PPARG: variants seen among roughly 807,000 people sequenced by gnomAD.
The protein encoded by PPARG is peroxisome proliferator activated receptor gamma.
A neutral mutation model predicts 39.2 loss-of-function variants in PPARG; 17 were observed. The observed-to-expected ratio is 0.43, with a 90% CI of 0.30 to 0.65. PPARG has a LOEUF of 0.65. Among genes scored for constraint, PPARG ranks in the 30% least tolerant of loss-of-function variants. PPARG has a pLI of 0.13. For missense variants in PPARG, 406 were observed against 585.9 expected, an observed-to-expected ratio of 0.69 and a Z score of 3.17; for synonymous variants, 223 against 215.7, an observed-to-expected ratio of 1.03 and a Z score of -0.30.
intron 5 of PPARG, among the ~76,000 whole-genome samples, chr3:12,401,732 A>G (rs1358843747): frequency 6.6e-6 from 1 of 152,020 alleles, no homozygotes; most frequent in Admixed American, 6.6e-5. Flanking sequence ...CATTCCTTTT[A>G]TGAACTTCTG....
At chr3:12,295,664 C>G (rs4362702) in intron 1 of PPARG, among the ~76,000 whole-genome samples, 43,673 of 151,652 alleles carry the variant, frequency 0.29, 6,500 homozygotes, top group East Asian at 0.49. Context: ...CAGGCGCCCA[C>G]CACCACACCT....
intron 1 of PPARG, among the ~76,000 whole-genome samples, chr3:12,298,478 G>C (rs952705079): frequency 6.6e-6 from 1 of 151,780 alleles, no homozygotes; most frequent in South Asian, 2.1e-4. Flanking sequence ...CATTGTCCTA[G>C]AAATCCCAAA....
chr3:12,389,922 A>G (rs1290137526), intron 4 of PPARG, among the ~76,000 whole-genome samples: 1 of 152,190 alleles, frequency 6.6e-6, no homozygotes, highest in Non-Finnish European at 1.5e-5. Context: ...CAAAACAAAA[A>G]GAGTGAAATG....
At chr3:12,425,817 G>C (rs1460741767) in intron 7 of PPARG, among the ~76,000 whole-genome samples, 1 of 152,210 alleles carries the variant, frequency 6.6e-6, no homozygotes, top group African/African-American at 2.4e-5. Context: ...ACGACAGGGG[G>C]CCTCTAACCC....
In PPARG at chr3:12,323,218, A is replaced by C. The variant is rs1398818084; in HGVS notation, c.-9+10765A>C. ...ATAAATAGAGAAATGGAGGTATTAAAAGAAATTGGGAAGAGAGACTCTGTT... is the reference window on the plus strand; with the variant it reads ...ATAAATAGAGAAATGGAGGTATTAACAGAAATTGGGAAGAGAGACTCTGTT... On this transcript the variant is annotated intron_variant, in intron 2 of 7. Coordinates refer to ENST00000651735, the MANE Select transcript of PPARG (RefSeq NM_138711.6). Among the ~76,000 whole-genome samples the C allele has an allele frequency of 5.3e-5, 8 of 152,240 alleles. 1 individual carries two copies. The highest frequency in any genetic ancestry group is 1.9e-4 in the African/African-American group (8 of 41,470).
chr3:12,419,073 T>C (rs2051172802), intron 7 of PPARG, among the ~76,000 whole-genome samples: 1 of 152,068 alleles, frequency 6.6e-6, no homozygotes, highest in Non-Finnish European at 1.5e-5. Flanking sequence ...GCCTCCCGAG[T>C]AGCTGGGATT....
chr3:12,296,941 T>A (rs1459763046), intron 1 of PPARG, among the ~76,000 whole-genome samples: 1 of 152,174 alleles, frequency 6.6e-6, no homozygotes, highest in African/African-American at 2.4e-5. Context: ...ATTTTAAAAT[T>A]CTATAATTTC....
Position 12,298,858 on chromosome 3 carries a change from C to A in PPARG, c.-83+9724C>A, listed in dbSNP as rs572456569. Reference sequence around the variant, plus strand: ...TATTTTATTTATTTATTTATTGAGACAGGGTCTCACTCTGTCACCCAGGCT... The same window carrying A: ...TATTTTATTTATTTATTTATTGAGAAAGGGTCTCACTCTGTCACCCAGGCT... On this transcript the variant is annotated intron_variant, in intron 1 of 7. Coordinates refer to ENST00000651735, the MANE Select transcript of PPARG (RefSeq NM_138711.6). Among the ~76,000 whole-genome samples the A allele has an allele frequency of 4.6e-5, 7 of 152,208 alleles. No homozygotes were observed. In the South Asian group the frequency reaches 1.5e-3, roughly 32 times the overall value.
chr3:12,288,756 G>GGTGCCTCC (rs1367359866), upstream of PPARG: 2 of 152,244 alleles, frequency 1.3e-5, no homozygotes, highest in African/African-American at 4.8e-5. Flanking sequence ...ACGGGGACTG[G>GGTGCCTCC]GTGCCTCCGT....
intron 2 of PPARG, among the ~76,000 whole-genome samples, chr3:12,339,886 G>A (rs758254660): frequency 4.1e-4 from 62 of 152,128 alleles, no homozygotes; most frequent in Non-Finnish European, 6.6e-4. Context: ...GTGGCATATT[G>A]CTTGTCTGAC....
At chr3:12,332,021 T>C (rs191759025) in intron 2 of PPARG, among the ~76,000 whole-genome samples, 40 of 152,346 alleles carry the variant, frequency 2.6e-4, no homozygotes, top group African/African-American at 9.4e-4. Context: ...CCATAGTGCT[T>C]GAAACTATAT....
chr3:12,325,377 C>T (rs552377594), intron 2 of PPARG, among the ~76,000 whole-genome samples: 12 of 152,214 alleles, frequency 7.9e-5, no homozygotes, highest in African/African-American at 2.2e-4. Context: ...GCCAAGATCA[C>T]GCCGTTGCAC....
At chr3:12,412,447 A>AGG (rs1491318812) in intron 6 of PPARG, among the ~76,000 whole-genome samples, 1 of 152,240 alleles carries the variant, frequency 6.6e-6, no homozygotes, top group Non-Finnish European at 1.5e-5. Context: ...GAAAATCAAA[A>AGG]TATGTCAAAA....
chr3:12,355,429 G>C (rs937824679), intron 2 of PPARG, among the ~76,000 whole-genome samples: 1 of 152,072 alleles, frequency 6.6e-6, no homozygotes. Flanking sequence ...AGCCATCGCA[G>C]CCTGCCCCTG....
intron 6 of PPARG, 49 bp from the exon 7 acceptor site, chr3:12,416,655 T>C (rs2051066299): frequency 6.4e-7 from 1 of 1,554,314 alleles, no homozygotes. Context: ...GCATTCACTG[T>C]GAGTTAGAAA....
chr3:12,291,161 G>A (rs1393672151), intron 1 of PPARG, among the ~76,000 whole-genome samples: 1 of 152,140 alleles, frequency 6.6e-6, no homozygotes, highest in African/African-American at 2.4e-5. Flanking sequence ...ACTTGGTGAA[G>A]TCACTAGTGT....
chr3:12,290,346 G>T (rs941089214), intron 1 of PPARG, among the ~76,000 whole-genome samples: 12 of 151,926 alleles, frequency 7.9e-5, no homozygotes, highest in Non-Finnish European at 2.9e-5. Flanking sequence ...ACATTAAAAA[G>T]AATATAATTT....
intron 1 of PPARG, among the ~76,000 whole-genome samples, chr3:12,290,079 ATAGT>A (rs2046610423): frequency 6.6e-6 from 1 of 152,146 alleles, no homozygotes; most frequent in Admixed American, 6.5e-5. Context: ...ATGATATTTG[ATAGT>A]TAACTTGCTA....
At chr3:12,432,507 C>T (rs1418051753) in intron 7 of PPARG, among the ~76,000 whole-genome samples, 1 of 152,180 alleles carries the variant, frequency 6.6e-6, no homozygotes, top group African/African-American at 2.4e-5. Context: ...AAAACATGTT[C>T]TCCATAATCT....
Sources: gnomAD v4.1 joint callset for allele counts (sites outside exome capture counted in the v4.1 genomes callset) on GRCh38, gnomAD v4.1.1 for gene constraint, MANE v1.5 for transcripts, NCBI Gene and HGNC (gene_info 2026-07-23, HGNC 2026-07-21) for gene names.